The following NLGN1 variants were observed in gnomAD, a reference collection of about 807,000 sequenced individuals.
The protein encoded by NLGN1 is neuroligin-1.
NLGN1 carries 12 observed loss-of-function variants against 65.5 expected under a neutral mutation model. The ratio of observed to expected loss-of-function variants is 0.18; its 90% CI spans 0.12 to 0.30. The LOEUF is 0.30. Ranked by LOEUF, NLGN1 falls within the 10% of genes least tolerant of loss-of-function variation. The pLI, the probability that NLGN1 is intolerant of heterozygous loss-of-function variation, is 1.00. For synonymous variants in NLGN1, 350 were observed against 359.5 expected (o/e 0.97, Z 0.30); for missense variants, 750 against 1,007.1 (o/e 0.74, Z 3.46).
chr3:174,232,910 C>T (rs1470590883), intron 4 of NLGN1, among the ~76,000 whole-genome samples: 1 of 152,224 alleles, frequency 6.6e-6, no homozygotes, highest in Non-Finnish European at 1.5e-5. Context: ...TCCCCAACTT[C>T]GGACAGCTTT....
At chr3:173,614,720 C>T (rs573203507) in intron 3 of NLGN1, among the ~76,000 whole-genome samples, 1 of 152,116 alleles carries the variant, frequency 6.6e-6, no homozygotes, top group Admixed American at 6.6e-5. Context: ...ACCCACACTC[C>T]CACACACACC....
At chr3:173,622,259 A>G (rs555387016) in intron 3 of NLGN1, among the ~76,000 whole-genome samples, 1 of 152,182 alleles carries the variant, frequency 6.6e-6, no homozygotes, top group Admixed American at 6.6e-5. Flanking sequence ...TGAGCATTTA[A>G]CTGTTCTCAT....
intron 4 of NLGN1, among the ~76,000 whole-genome samples, chr3:174,175,138 ATC>A (rs1729212312): frequency 1.3e-5 from 2 of 151,872 alleles, no homozygotes; most frequent in African/African-American, 4.8e-5. Context: ...TTGAAGGAAT[ATC>A]TATTAGGTTC....
intron 4 of NLGN1, among the ~76,000 whole-genome samples, chr3:173,878,097 A>C (rs1217353507): frequency 2.0e-5 from 3 of 152,020 alleles, no homozygotes. Flanking sequence ...GCTGGAGTGC[A>C]ATGGTGCAAT....
intron 3 of NLGN1, among the ~76,000 whole-genome samples, chr3:173,612,929 G>A (rs1422320333): frequency 6.6e-6 from 1 of 152,088 alleles, no homozygotes; most frequent in African/African-American, 2.4e-5. Flanking sequence ...CCTTCTGCCT[G>A]TGTATATGTC....
chr3:173,422,108 A>C (rs946990355), intron 1 of NLGN1, among the ~76,000 whole-genome samples: 7 of 151,348 alleles, frequency 4.6e-5, no homozygotes, highest in African/African-American at 1.7e-4. Flanking sequence ...TATGTGATAT[A>C]TATGTGTGTA....
chr3:173,807,664 AC>A lies in NLGN1; in HGVS notation c.494-14del, dbSNP rs772330421. ...TTTTTGAGGATAAGAACGATTGCCA[AC>A]CATTTGTTTTCCAGATATTCGGGAC... On this transcript the variant is annotated splice_polypyrimidine_tract_variant and intron_variant, in intron 3 of 6. Transcript: ENST00000457714. The A allele has an allele frequency of 5.9e-5, 95 of 1,610,772 alleles. No individual in the cohort carries two copies. The highest frequency in any genetic ancestry group is 1.5e-4 in the Admixed American group (9 of 59,636).
intron 2 of NLGN1, among the ~76,000 whole-genome samples, chr3:173,594,935 C>G (rs1001236542): frequency 6.6e-6 from 1 of 152,190 alleles, no homozygotes; most frequent in Non-Finnish European, 1.5e-5. Context: ...ACACAGAGAA[C>G]CAAGTCTGTA....
At chr3:174,014,635 C>G (rs967466339) in intron 4 of NLGN1, among the ~76,000 whole-genome samples, 2 of 152,182 alleles carry the variant, frequency 1.3e-5, no homozygotes, top group Admixed American at 6.5e-5. Context: ...CATGCCTCAT[C>G]TCTTTCCTTG....
intron 4 of NLGN1, among the ~76,000 whole-genome samples, chr3:174,097,046 G>A (rs1214497097): frequency 6.6e-6 from 1 of 151,832 alleles, no homozygotes; most frequent in Non-Finnish European, 1.5e-5. Flanking sequence ...TATTTAAAAG[G>A]CTTCCATTTA....
At chr3:174,094,119 C>G (rs928323325) in intron 4 of NLGN1, among the ~76,000 whole-genome samples, 1 of 152,060 alleles carries the variant, frequency 6.6e-6, no homozygotes, top group African/African-American at 2.4e-5. Context: ...GTGAGGCTAA[C>G]CAAAAACTAG....
chr3:174,064,876 TA>T (rs1342434739), intron 4 of NLGN1, among the ~76,000 whole-genome samples: 1 of 150,546 alleles, frequency 6.6e-6, no homozygotes, highest in Non-Finnish European at 1.5e-5. Flanking sequence ...TAGTAAGTAC[TA>T]TATATTAAGT....
At chr3:174,160,966 T>G (rs1213298480) in intron 4 of NLGN1, among the ~76,000 whole-genome samples, 1 of 151,762 alleles carries the variant, frequency 6.6e-6, no homozygotes, top group Non-Finnish European at 1.5e-5. Context: ...ATAACCATCC[T>G]TCTACTCTCT....
At chr3:173,796,699 G>A (rs532265940) in intron 3 of NLGN1, among the ~76,000 whole-genome samples, 69 of 152,128 alleles carry the variant, frequency 4.5e-4, no homozygotes, top group African/African-American at 1.6e-3. Context: ...GGTCTCATTT[G>A]CTTTATATTT....
intron 3 of NLGN1, among the ~76,000 whole-genome samples, chr3:173,765,052 ATGTGTGTGTGTGTGTG>A (rs55747253): frequency 1.1e-3 from 153 of 136,288 alleles, no homozygotes; most frequent in Admixed American, 3.0e-3. Context: ...CTGTGGGTGC[ATGTGTGTGTGTGTGTG>A]TGTGTGTGTG....
chr3:173,484,410 A>G (rs999340088), intron 2 of NLGN1, among the ~76,000 whole-genome samples: 50 of 152,142 alleles, frequency 3.3e-4, no homozygotes, highest in African/African-American at 1.2e-3. Flanking sequence ...GTTAAACAAA[A>G]TTTAAAAGAT....
intron 1 of NLGN1, among the ~76,000 whole-genome samples, chr3:173,423,746 G>A (rs1715563881): frequency 6.6e-6 from 1 of 152,178 alleles, no homozygotes; most frequent in South Asian, 2.1e-4. Flanking sequence ...CTGGTGTTGA[G>A]TGACTGCAGC....
chr3:173,926,087 A>G (rs1236221107), intron 4 of NLGN1, among the ~76,000 whole-genome samples: 1 of 152,034 alleles, frequency 6.6e-6, no homozygotes, highest in East Asian at 1.9e-4. Flanking sequence ...CAGTGACTAA[A>G]AAATGAAATA....
intron 3 of NLGN1, among the ~76,000 whole-genome samples, chr3:173,612,485 G>A (rs936848389): frequency 6.6e-6 from 1 of 151,984 alleles, no homozygotes; most frequent in Non-Finnish European, 1.5e-5. Context: ...AGTTTCCAGA[G>A]GTTACTAATA....
Sources: gnomAD v4.1 joint callset for allele counts (sites outside exome capture counted in the v4.1 genomes callset) on GRCh38, gnomAD v4.1.1 for gene constraint, MANE v1.5 for transcripts, NCBI Gene and HGNC (gene_info 2026-07-23, HGNC 2026-07-21) for gene names.